Variants in PTPRT observed in about 807,000 individuals in gnomAD.
PTPRT encodes receptor-type tyrosine-protein phosphatase T.
A neutral mutation model predicts 176.8 loss-of-function variants in PTPRT; 56 were observed. The observed-to-expected ratio is 0.32, with a 90% CI of 0.26 to 0.40. PTPRT has a LOEUF of 0.40. PTPRT is among the 10% of genes least tolerant of loss of function. PTPRT has a pLI of 1.00. For synonymous variants in PTPRT, 783 were observed against 739.0 expected (o/e 1.06, Z -0.96); for missense variants, 1,540 against 1,908.2 (o/e 0.81, Z 3.60).
intron 14 of PTPRT, among the ~76,000 whole-genome samples, chr20:42,238,383 A>G (rs1201317541): frequency 6.6e-6 from 1 of 152,220 alleles, no homozygotes; most frequent in Non-Finnish European, 1.5e-5. Context: ...TCCTGGACTG[A>G]AAGAACAGTG....
intron 9 of PTPRT, among the ~76,000 whole-genome samples, chr20:42,353,599 C>T (rs1244373564): frequency 1.3e-5 from 2 of 152,208 alleles, no homozygotes; most frequent in African/African-American, 4.8e-5. Context: ...AGCACTCACT[C>T]TCAACTTCTG....
At chr20:42,757,626 C>G (rs1032604467) in intron 5 of PTPRT, among the ~76,000 whole-genome samples, 2 of 152,220 alleles carry the variant, frequency 1.3e-5, no homozygotes, top group African/African-American at 4.8e-5. Flanking sequence ...ACAAACTTTC[C>G]ACACACATTT....
In PTPRT at chr20:42,619,967, T is replaced by C. The variant is rs1398713945; in HGVS notation, c.1153+57899A>G. On this transcript the variant is annotated intron_variant, in intron 7 of 30. Transcript: ENST00000373187. ...GTCAAAGTCATTCTGCATCCAGCTT[T>C]GTTCCGTTGCTGGTGAGGAACTGCG... 2.0e-5 allele frequency among the ~76,000 whole-genome samples: 3 copies of C among 149,180 alleles called. No homozygotes were observed. The East Asian group carries it at 5.8e-4, about 29-fold the overall frequency.
At chr20:43,039,888 A>G (rs1986535597) in intron 1 of PTPRT, among the ~76,000 whole-genome samples, 1 of 152,082 alleles carries the variant, frequency 6.6e-6, no homozygotes, top group Admixed American at 6.6e-5. Flanking sequence ...AAAAAACACA[A>G]AAATTAGCCA....
chr20:42,493,925 C>T (rs2071604835), intron 7 of PTPRT, among the ~76,000 whole-genome samples: 1 of 152,050 alleles, frequency 6.6e-6, no homozygotes. Context: ...TCCATTTAAC[C>T]TCCCCATCTT....
At chr20:42,863,590 G>A (rs1450050795) in intron 2 of PTPRT, among the ~76,000 whole-genome samples, 1 of 152,170 alleles carries the variant, frequency 6.6e-6, no homozygotes, top group African/African-American at 2.4e-5. Context: ...AAAAACTTAT[G>A]GATTCATTAA....
At chr20:43,075,337 C>T (rs753190674) in intron 1 of PTPRT, among the ~76,000 whole-genome samples, 3 of 152,264 alleles carry the variant, frequency 2.0e-5, no homozygotes, top group Non-Finnish European at 2.9e-5. Flanking sequence ...GTGAAGAGTC[C>T]TCTCCTGCGG....
intron 1 of PTPRT, among the ~76,000 whole-genome samples, chr20:43,150,463 T>C (rs1010471388): frequency 8.6e-5 from 13 of 151,930 alleles, no homozygotes; most frequent in Non-Finnish European, 1.8e-4. Flanking sequence ...TCTTTTCTTT[T>C]TCTTTTTTTT....
At chr20:43,148,891 T>C (rs559355365) in intron 1 of PTPRT, among the ~76,000 whole-genome samples, 122 of 152,292 alleles carry the variant, frequency 8.0e-4, no homozygotes, top group African/African-American at 2.9e-3. Flanking sequence ...AAAACATCAG[T>C]AGTATCTGCT....
At chr20:42,584,410 C>G (rs1300502641) in intron 7 of PTPRT, among the ~76,000 whole-genome samples, 1 of 152,142 alleles carries the variant, frequency 6.6e-6, no homozygotes, top group African/African-American at 2.4e-5. Flanking sequence ...GGCATTTGCA[C>G]TTCCTTTCCC....
chr20:42,215,492 T>C (rs1281788786), intron 15 of PTPRT, among the ~76,000 whole-genome samples: 1 of 152,214 alleles, frequency 6.6e-6, no homozygotes, highest in Non-Finnish European at 1.5e-5. Flanking sequence ...GCAATCCGCA[T>C]GACTTTTTCC....
intron 6 of PTPRT, among the ~76,000 whole-genome samples, chr20:42,716,684 T>C (rs2076228743): frequency 6.6e-6 from 1 of 152,172 alleles, no homozygotes; most frequent in Non-Finnish European, 1.5e-5. Context: ...GCAAAAATTT[T>C]CTCCCATTCC....
At chr20:42,648,746 C>T (rs1374700283) in intron 7 of PTPRT, among the ~76,000 whole-genome samples, 1 of 151,272 alleles carries the variant, frequency 6.6e-6, no homozygotes, top group East Asian at 1.9e-4. Flanking sequence ...AGTCCATTCT[C>T]ATGTTACTGA....
downstream of PTPRT, among the ~76,000 whole-genome samples, chr20:42,072,393 A>G (rs1600441100): frequency 6.6e-6 from 1 of 152,192 alleles, no homozygotes; most frequent in South Asian, 2.1e-4. Flanking sequence ...AGCCATAGCT[A>G]GCTGATACAT....
At chr20:42,338,232 G>A (rs1345868519) in intron 11 of PTPRT, among the ~76,000 whole-genome samples, 1 of 152,200 alleles carries the variant, frequency 6.6e-6, no homozygotes, top group Non-Finnish European at 1.5e-5. Flanking sequence ...TATACCTGCA[G>A]TATAATTAAG....
intron 2 of PTPRT, among the ~76,000 whole-genome samples, chr20:42,862,277 G>A (rs926122562): frequency 3.3e-5 from 5 of 152,136 alleles, no homozygotes; most frequent in Non-Finnish European, 1.5e-5. Context: ...GTTGAGAGGG[G>A]CAAGATATCT....
the PTPRT span, among the ~76,000 whole-genome samples, chr20:42,034,017 T>C: frequency 3.3e-4 from 51 of 152,276 alleles, no homozygotes; most frequent in African/African-American, 1.2e-3. Flanking sequence ...GGTATACTAG[T>C]TTTCTGTTGC....
chr20:42,914,797 G>T (rs936487425), intron 1 of PTPRT, among the ~76,000 whole-genome samples: 11 of 151,932 alleles, frequency 7.2e-5, no homozygotes, highest in African/African-American at 1.9e-4. Flanking sequence ...AACAAAATTG[G>T]CCATGAGGTG....
chr20:42,447,889 C>T (rs961971462), intron 9 of PTPRT, among the ~76,000 whole-genome samples: 13 of 152,180 alleles, frequency 8.5e-5, no homozygotes, highest in South Asian at 6.2e-4. Flanking sequence ...GTTTCCCAGA[C>T]GAACTTTCAG....
Sources: gnomAD v4.1 joint callset for allele counts (sites outside exome capture counted in the v4.1 genomes callset) on GRCh38, gnomAD v4.1.1 for gene constraint, MANE v1.5 for transcripts, NCBI Gene and HGNC (gene_info 2026-07-23, HGNC 2026-07-21) for gene names.